ROBO2: variants seen among roughly 807,000 people sequenced by gnomAD.
ROBO2 encodes the protein roundabout homolog 2.
ROBO2 carries 53 observed loss-of-function variants against 160.8 expected under a neutral mutation model. The observed-to-expected ratio is 0.33, with a 90% CI of 0.26 to 0.41. The LOEUF is 0.41. Among genes scored for constraint, ROBO2 ranks in the 10% least tolerant of loss-of-function variants. The probability of loss-of-function intolerance (pLI) is 1.00; values close to 1 mark genes in which losing one functional copy is unlikely to be tolerated. For missense variants in ROBO2, 1,577 were observed against 1,722.4 expected (o/e 0.92, Z 1.49); for synonymous variants, 664 against 611.7 (o/e 1.09, Z -1.26).
intron 1 of ROBO2, among the ~76,000 whole-genome samples, chr3:77,053,369 C>CCCTTCTGTATATACTCATGCT (rs2065408977): frequency 6.6e-6 from 1 of 152,036 alleles, no homozygotes; most frequent in African/African-American, 2.4e-5. Context: ...CTTAGTCTGG[C>CCCTTCTGTATATACTCATGCT]CCTTCTGTAT....
chr3:77,616,805 T>C, intron 21 of ROBO2, among the ~76,000 whole-genome samples: 1 of 152,308 alleles, frequency 6.6e-6, no homozygotes, highest in East Asian at 1.9e-4. Context: ...TAAAAAAATA[T>C]GGTTTTAAAA....
intron 2 of ROBO2, among the ~76,000 whole-genome samples, chr3:77,324,240 C>T (rs2065121765): frequency 1.3e-5 from 2 of 152,212 alleles, no homozygotes; most frequent in South Asian, 4.1e-4. Flanking sequence ...ATGTGTGTTC[C>T]TAGCATGGAC....
chr3:76,961,087 G>C (rs1350570252), intron 2 of ROBO2, among the ~76,000 whole-genome samples: 3 of 151,700 alleles, frequency 2.0e-5, no homozygotes, highest in Non-Finnish European at 4.4e-5. Flanking sequence ...CAAAGTTGGG[G>C]CCCATTTTCA....
chr3:76,541,261 A>G (rs72902529), intron 2 of ROBO2, among the ~76,000 whole-genome samples: 6,968 of 152,224 alleles, frequency 0.046, 591 homozygotes, highest in African/African-American at 0.16. Context: ...CCTATCTTCA[A>G]AGGGGTTAAC....
intron 2 of ROBO2, among the ~76,000 whole-genome samples, chr3:76,180,203 T>C (rs1478135007): frequency 6.6e-6 from 1 of 152,188 alleles, no homozygotes; most frequent in African/African-American, 2.4e-5. Flanking sequence ...TTAGCAGTAA[T>C]AATGTCCATC....
At position 76,269,173 on chromosome 3, in the gene ROBO2, G is replaced by A. The variant is rs138331565; in HGVS notation, c.109+331571G>A. Among the ~76,000 whole-genome samples the A allele has an allele frequency of 1.8e-3, 270 of 152,108 alleles. 1 individual carries two copies. The highest frequency in any genetic ancestry group is 6.1e-3 in the African/African-American group (253 of 41,504). On this transcript the variant is annotated intron_variant, in intron 2 of 26. Coordinates refer to the ROBO2 transcript ENST00000487694. ...ACAACTAAAAGAGTGTAATTGAAAT[G>A]TTTGTGACACAAGGTAATGGTAATT...
chr3:75,933,174 C>T (rs1947621049), intron 1 of ROBO2, among the ~76,000 whole-genome samples: 1 of 152,104 alleles, frequency 6.6e-6, no homozygotes, highest in African/African-American at 2.4e-5. Flanking sequence ...GTGATGGCTT[C>T]TAATGAAAAT....
intron 6 of ROBO2, among the ~76,000 whole-genome samples, chr3:77,538,601 C>T (rs572957625): frequency 2.0e-5 from 3 of 152,048 alleles, no homozygotes; most frequent in Admixed American, 1.3e-4. Flanking sequence ...ACATTGCTTC[C>T]TCTGAGATGA....
At chr3:76,328,290 G>A (rs2073183015) in intron 2 of ROBO2, among the ~76,000 whole-genome samples, 1 of 152,142 alleles carries the variant, frequency 6.6e-6, no homozygotes, top group African/African-American at 2.4e-5. Flanking sequence ...GAGTGCTGCT[G>A]AATATCCCAT....
intron 12 of ROBO2, among the ~76,000 whole-genome samples, chr3:77,566,810 T>C (rs1269123595): frequency 6.6e-6 from 1 of 152,086 alleles, no homozygotes; most frequent in Non-Finnish European, 1.5e-5. Flanking sequence ...GTGTTGTGTC[T>C]GAAGGTCAGG....
chr3:77,364,525 G>A (rs543512106), intron 2 of ROBO2, among the ~76,000 whole-genome samples: 13 of 152,236 alleles, frequency 8.5e-5, no homozygotes, highest in African/African-American at 2.9e-4. Context: ...TCAGTAACAG[G>A]CATATCAGAG....
chr3:76,804,177 G>T (rs17014723), intron 2 of ROBO2, among the ~76,000 whole-genome samples: 21,376 of 152,140 alleles, frequency 0.14, 1,693 homozygotes, highest in African/African-American at 0.21. Context: ...ATGCTAAGGG[G>T]TTTGCTGGCT....
chr3:77,041,509 G>T (rs1296993805), intron 1 of ROBO2, among the ~76,000 whole-genome samples: 1 of 152,170 alleles, frequency 6.6e-6, no homozygotes, highest in African/African-American at 2.4e-5. Flanking sequence ...GGTGCTGGAG[G>T]TGTCTCCCTC....
intron 2 of ROBO2, among the ~76,000 whole-genome samples, chr3:76,181,141 TCTC>T (rs1227557105): frequency 6.6e-6 from 1 of 152,086 alleles, no homozygotes; most frequent in Non-Finnish European, 1.5e-5. Flanking sequence ...TATACCTTTA[TCTC>T]CTCATAGCCA....
intron 2 of ROBO2, among the ~76,000 whole-genome samples, chr3:76,696,004 G>T (rs1455053806): frequency 6.6e-6 from 1 of 152,108 alleles, no homozygotes; most frequent in African/African-American, 2.4e-5. Flanking sequence ...GGGAACTATA[G>T]TTACATAATT....
chr3:77,197,742 C>T (rs1220267253), intron 2 of ROBO2, among the ~76,000 whole-genome samples: 1 of 152,172 alleles, frequency 6.6e-6, no homozygotes, highest in Non-Finnish European at 1.5e-5. Flanking sequence ...TATTTTATGG[C>T]TCAAAAGGGA....
At chr3:77,298,740 G>C (rs1358221804) in intron 2 of ROBO2, among the ~76,000 whole-genome samples, 5 of 152,186 alleles carry the variant, frequency 3.3e-5, no homozygotes, top group African/African-American at 1.2e-4. Context: ...CTCTGTTACA[G>C]ACAAATTTGT....
At chr3:77,596,398 C>T (rs1583180177) in intron 18 of ROBO2, among the ~76,000 whole-genome samples, 1 of 152,254 alleles carries the variant, frequency 6.6e-6, no homozygotes, top group East Asian at 1.9e-4. Context: ...CACCTGAATT[C>T]ATCTGGACAT....
intron 2 of ROBO2, among the ~76,000 whole-genome samples, chr3:76,068,619 A>G (rs865910322): frequency 3.3e-5 from 5 of 152,134 alleles, no homozygotes; most frequent in Admixed American, 1.3e-4. Context: ...ACATGCTACA[A>G]TTATTCTTAT....
Sources: allele counts gnomAD v4.1 joint callset (sites outside exome capture counted in the v4.1 genomes callset), GRCh38; gene constraint gnomAD v4.1.1; transcripts MANE v1.5; gene names NCBI Gene and HGNC (gene_info 2026-07-23, HGNC 2026-07-21).